CNTRL: variants seen among roughly 807,000 people sequenced by gnomAD.
The protein encoded by CNTRL is centriolin, also known as 110 kDa centrosomal protein.
In CNTRL, 233 loss-of-function variants were observed where a neutral mutation model predicts 303.7. The observed-to-expected ratio is 0.77, with a 90% CI of 0.69 to 0.86. The LOEUF is 0.86. Ranked by LOEUF, CNTRL falls within the 40% of genes least tolerant of loss-of-function variation. The pLI is 0.00. For missense variants in CNTRL, 2,524 were observed against 2,650.6 expected (o/e 0.95, Z 1.05); for synonymous variants, 900 against 922.2 (o/e 0.98, Z 0.44).
At chr9:121,078,076 C>T (rs957691074) in intron 1 of CNTRL, among the ~76,000 whole-genome samples, 11 of 152,066 alleles carry the variant, frequency 7.2e-5, no homozygotes, top group Non-Finnish European at 1.3e-4. Context: ...AGAGTATTAT[C>T]CTTATTTAGA....
chr9:121,148,574 A>G (rs769459811), intron 23 of CNTRL, 98 bp from the exon 24 acceptor site: 24 of 1,128,934 alleles, frequency 2.1e-5, no homozygotes, highest in Middle Eastern at 2.4e-4. Context: ...TTCTTTCTCA[A>G]CCTTGCTACA....
chr9:121,143,799 G>A, intron 19 of CNTRL, 104 bp from the exon 20 acceptor site: 1 of 791,428 alleles, frequency 1.3e-6, no homozygotes, highest in East Asian at 2.6e-5. Flanking sequence ...ATCAAGTATT[G>A]TTCTAGGCAG....
In CNTRL at chr9:121,118,345, G is replaced by A. The variant is rs1461096195; in HGVS notation, c.1456-1G>A. 1 of 1,578,738 alleles carries A rather than the reference G, an allele frequency of 6.3e-7. No individual in the cohort carries two copies. Among genetic ancestry groups the A allele is most frequent in the East Asian group, 2.2e-5 (1 of 44,620 alleles). On this transcript the variant is annotated splice_acceptor_variant, in intron 11 of 43. Transcript: ENST00000373855. LOFTEE classifies it high-confidence loss of function. ...TATATATTGGGGTTTGGGGAGATTA[G>A]ATTTCAGAAGCAGGGAAAGACCTTC...
intron 31 of CNTRL, 91 bp from the exon 32 acceptor site, chr9:121,160,052 A>G (rs527556919): frequency 8.2e-6 from 8 of 971,930 alleles, no homozygotes; most frequent in African/African-American, 5.1e-5. Context: ...TAGAATTTCT[A>G]TGATATAAAA....
At chr9:121,136,053 A>T in intron 15 of CNTRL, 71 bp downstream of exon 15, 1 of 1,318,486 alleles carries the variant, frequency 7.6e-7, no homozygotes, top group Non-Finnish European at 1.0e-6. Context: ...TCTTTTATTT[A>T]TGTCTTAATT....
At chr9:121,085,161 A>C (rs1316784417) in intron 2 of CNTRL, among the ~76,000 whole-genome samples, 1 of 152,224 alleles carries the variant, frequency 6.6e-6, no homozygotes, top group African/African-American at 2.4e-5. Context: ...GATTTAAAAG[A>C]TATTTTATGG....
chr9:121,151,537 T>C (rs1588274857), intron 25 of CNTRL, among the ~76,000 whole-genome samples: 1 of 151,916 alleles, frequency 6.6e-6, no homozygotes, highest in South Asian at 2.1e-4. Context: ...ATTAGAGGCA[T>C]ACGCCACCAC....
At chr9:121,130,540 G>GC (rs2050793042) in intron 14 of CNTRL, among the ~76,000 whole-genome samples, 1 of 151,830 alleles carries the variant, frequency 6.6e-6, no homozygotes, top group Non-Finnish European at 1.5e-5. Flanking sequence ...TGTTAGTCTT[G>GC]CTAGCGGTCT....
intron 23 of CNTRL, among the ~76,000 whole-genome samples, chr9:121,148,069 AAAC>A (rs1361371792): frequency 6.6e-6 from 1 of 152,192 alleles, no homozygotes; most frequent in Non-Finnish European, 1.5e-5. Flanking sequence ...ATGAGGTTAA[AAAC>A]AAAACAAAAC....
At chr9:121,161,744 A>G (rs921889825) in intron 32 of CNTRL, 112 bp from the exon 33 acceptor site, 1 of 726,364 alleles carries the variant, frequency 1.4e-6, no homozygotes, top group South Asian at 2.2e-5. Flanking sequence ...CAGCTCAACA[A>G]AATTTTTAAA....
Position 121,158,106 on chromosome 9 carries a change from C to G in CNTRL, c.4761C>G (p.Ser1587Arg), listed in dbSNP as rs1383985518. ...AKRAELEKLK[S>R]QVTSQQQEMA... The stretch of plus-strand genomic sequence containing the variant: ...GAGCCGAGCTGGAAAAGCTGAAAAG[C>G]CAGGTATGGCAATAGACACCTTGAA... The change falls in exon 30 of 44, where the codon AGC (serine) becomes AGG (arginine). Residue 1587 changes from serine to arginine, a missense_variant. Transcript: ENST00000373855. 1 of 1,613,916 alleles carries G rather than the reference C, an allele frequency of 6.2e-7. No homozygotes were observed. Among genetic ancestry groups the G allele is most frequent in the Admixed American group, 1.7e-5 (1 of 60,000 alleles).
chr9:121,109,971 T>TAGA (rs534846445), intron 8 of CNTRL, among the ~76,000 whole-genome samples: 45 of 152,304 alleles, frequency 3.0e-4, no homozygotes, highest in Admixed American at 1.9e-3. Context: ...TTCTGGGTCT[T>TAGA]ATTCTAAGAG....
At chr9:121,141,286 A>G (rs2051495335) in intron 17 of CNTRL, 95 bp from the exon 18 acceptor site, 2 of 982,666 alleles carry the variant, frequency 2.0e-6, no homozygotes, top group Non-Finnish European at 3.1e-6. Context: ...CCCTGCACAC[A>G]GCTTTTTACT....
In CNTRL at chr9:121,160,229, T is replaced by TA; in HGVS notation, c.5017dup (p.Ile1673AsnfsTer6). The stretch of plus-strand genomic sequence containing the variant: ...GTGAAAGAAAAACTCAACTTACACT[T>TA]ATAAAGCAGGAAATTGAAAAAGAGG... On this transcript the variant is annotated frameshift_variant, in exon 32 of 44. Coordinates refer to ENST00000373855, the MANE Select transcript of CNTRL (RefSeq NM_007018.6). LOFTEE classifies it high-confidence loss of function. The TA allele has an allele frequency of 6.4e-7, 1 of 1,567,214 alleles. No individual in the cohort carries two copies.
intron 42 of CNTRL, among the ~76,000 whole-genome samples, chr9:121,174,027 AAC>A (rs1408566605): frequency 6.6e-6 from 1 of 152,244 alleles, no homozygotes; most frequent in Non-Finnish European, 1.5e-5. Context: ...AGGAAGTAGA[AAC>A]ACAGTGATGA....
chr9:121,079,174 A>G (rs1226586762), intron 1 of CNTRL, among the ~76,000 whole-genome samples: 1 of 152,226 alleles, frequency 6.6e-6, no homozygotes, highest in East Asian at 1.9e-4. Flanking sequence ...TAAAATTACT[A>G]AAAGACTTTT....
At chr9:121,082,626 T>C (rs1230397073) in intron 2 of CNTRL, among the ~76,000 whole-genome samples, 1 of 152,192 alleles carries the variant, frequency 6.6e-6, no homozygotes, top group African/African-American at 2.4e-5. Context: ...CATGTTACTG[T>C]ACTGAATACT....
intron 38 of CNTRL, among the ~76,000 whole-genome samples, 173 bp from the exon 39 acceptor site, chr9:121,169,438 G>T (rs1161447496): frequency 6.6e-6 from 1 of 152,144 alleles, no homozygotes; most frequent in South Asian, 2.1e-4. Flanking sequence ...CCTTATCTGG[G>T]TTTTTTCTGG....
At chr9:121,146,375 C>A in intron 23 of CNTRL, 119 bp downstream of exon 23, 1 of 990,606 alleles carries the variant, frequency 1.0e-6, no homozygotes, top group Non-Finnish European at 1.5e-6. Context: ...CTAAGCCGTG[C>A]ATTGAGGTTC....
Sources: gnomAD v4.1 joint callset for allele counts (sites outside exome capture counted in the v4.1 genomes callset) on GRCh38, gnomAD v4.1.1 for gene constraint, MANE v1.5 for transcripts, NCBI Gene and HGNC (gene_info 2026-07-23, HGNC 2026-07-21) for gene names.